Variants in AFAP1L2 observed in about 807,000 individuals in gnomAD.
AFAP1L2 encodes the protein actin filament associated protein 1 like 2.
Under a neutral mutation model 99.3 loss-of-function variants are expected in AFAP1L2, and 46 were observed. That is an observed-to-expected ratio of 0.46 (90% CI 0.37 to 0.59). The LOEUF (loss-of-function observed/expected upper bound fraction) is 0.59. AFAP1L2 is among the 20% of genes least tolerant of loss of function. The pLI is 0.00. For missense variants in AFAP1L2, 959 were observed against 1,034.9 expected (o/e 0.93, Z 1.01); for synonymous variants, 397 against 419.1 (o/e 0.95, Z 0.64).
At chr10:114,319,351 C>A (rs1385072796) in intron 5 of AFAP1L2, among the ~76,000 whole-genome samples, 1 of 137,396 alleles carries the variant, frequency 7.3e-6, no homozygotes, top group East Asian at 2.2e-4. Context: ...GTCTTTTAGC[C>A]ATGTGTTTTG....
At chr10:114,344,058 T>A (rs962033852) in intron 1 of AFAP1L2, among the ~76,000 whole-genome samples, 1 of 152,210 alleles carries the variant, frequency 6.6e-6, no homozygotes, top group African/African-American at 2.4e-5. Flanking sequence ...TCTAGCCTTA[T>A]AAATGAGAGC....
At chr10:114,287,763 C>T in the AFAP1L2 span, among the ~76,000 whole-genome samples, 2,311 of 152,340 alleles carry the variant, frequency 0.015, 65 homozygotes, top group African/African-American at 0.053. Flanking sequence ...CTATACCCCA[C>T]ACCCAGTTTC....
At chr10:114,351,210 T>C (rs2136213889) in intron 1 of AFAP1L2, among the ~76,000 whole-genome samples, 1 of 152,304 alleles carries the variant, frequency 6.6e-6, no homozygotes, top group East Asian at 1.9e-4. Context: ...ATGGGAAATT[T>C]TCACTCCTTC....
At chr10:114,336,121 C>T (rs1051989630) in intron 2 of AFAP1L2, among the ~76,000 whole-genome samples, 7 of 152,200 alleles carry the variant, frequency 4.6e-5, no homozygotes, top group South Asian at 2.1e-4. Context: ...GAGGGTGCAT[C>T]GGCCCACCTC....
chr10:114,332,513 T>C (rs987946955), intron 3 of AFAP1L2, among the ~76,000 whole-genome samples: 1 of 152,216 alleles, frequency 6.6e-6, no homozygotes, highest in African/African-American at 2.4e-5. Context: ...AAGACAAGCC[T>C]TCAACAGGAC....
intron 1 of AFAP1L2, among the ~76,000 whole-genome samples, chr10:114,361,974 C>T (rs187567735): frequency 5.5e-4 from 84 of 152,246 alleles, no homozygotes; most frequent in African/African-American, 1.8e-3. Flanking sequence ...TATCTTACCA[C>T]GACAGCTATT....
intron 1 of AFAP1L2, among the ~76,000 whole-genome samples, chr10:114,386,057 T>C (rs1469217473): frequency 2.6e-5 from 4 of 152,134 alleles, no homozygotes; most frequent in African/African-American, 9.7e-5. Context: ...GAGACTCGGC[T>C]GAGAGTCTGA....
Position 114,295,626 on chromosome 10 carries a change from A to G in AFAP1L2, c.*416T>C. On this transcript the variant is annotated 3_prime_UTR_variant, in exon 19 of 19. Coordinates refer to ENST00000304129, the MANE Select transcript of AFAP1L2 (RefSeq NM_001001936.3). ...AAGTATTGGATAAGAGATGATGGCCAGGAGTTTAGGTCTTCTCACTCACCA... is the reference window on the plus strand; with the variant it reads ...AAGTATTGGATAAGAGATGATGGCCGGGAGTTTAGGTCTTCTCACTCACCA... 2 of 999,080 alleles carry G rather than the reference A, an allele frequency of 2.0e-6. No individual in the cohort carries two copies. Among genetic ancestry groups the G allele is most frequent in the Non-Finnish European group, 2.4e-6 (2 of 838,718 alleles). 61.9% of individuals were successfully genotyped at this position (999,080 alleles called of 1,614,324 possible). A position where few individuals can be genotyped will look rare whatever the true frequency, so the allele number is the denominator to read the frequency against.
At chr10:114,371,806 C>T (rs542250) in intron 1 of AFAP1L2, among the ~76,000 whole-genome samples, 130,760 of 148,106 alleles carry the variant, frequency 0.88, 58,073 homozygotes, top group East Asian at 1. Context: ...ACTTAAAGTA[C>T]AATTATAAAA....
At chr10:114,303,653 C>A (rs1038714309) in intron 11 of AFAP1L2, among the ~76,000 whole-genome samples, 1 of 152,182 alleles carries the variant, frequency 6.6e-6, no homozygotes, top group Non-Finnish European at 1.5e-5. Context: ...TCATGGGCCT[C>A]CCCTAGTCCA....
intron 7 of AFAP1L2, among the ~76,000 whole-genome samples, 168 bp from the exon 8 acceptor site, chr10:114,310,611 G>A (rs1163550419): frequency 1.3e-5 from 2 of 152,224 alleles, no homozygotes; most frequent in Admixed American, 1.3e-4. Context: ...AGGCCTGCAT[G>A]TGGCCTCAGA....
At position 114,295,497 on chromosome 10, in the gene AFAP1L2, G is replaced by A. The variant is rs1163346482; in HGVS notation, c.*545C>T. 3 of 972,548 alleles carry A rather than the reference G, an allele frequency of 3.1e-6. No individual in the cohort carries two copies. Among genetic ancestry groups the A allele is most frequent in the Non-Finnish European group, 3.6e-6 (3 of 824,432 alleles). The allele number at this position is 972,548 out of a possible 1,614,324, so 60.2% of individuals were successfully genotyped here. On this transcript the variant is annotated 3_prime_UTR_variant, in exon 19 of 19. Coordinates refer to ENST00000304129, the MANE Select transcript of AFAP1L2 (RefSeq NM_001001936.3). ...GTCATAGATGGTTTTACAGATGATG[G>A]TTTTACAGATGATGTCAATGCTGTT... is the stretch of plus-strand genomic sequence containing the variant.
chr10:114,397,874 A>C (rs1443892839), intron 1 of AFAP1L2, among the ~76,000 whole-genome samples: 3 of 152,172 alleles, frequency 2.0e-5, no homozygotes, highest in Admixed American at 2.0e-4. Flanking sequence ...CTGCCTTTGA[A>C]GTCCTGGGAG....
chr10:114,392,144 G>C (rs921886942), intron 1 of AFAP1L2, among the ~76,000 whole-genome samples: 3 of 152,194 alleles, frequency 2.0e-5, no homozygotes, highest in Admixed American at 2.0e-4. Flanking sequence ...CCAGCACTTT[G>C]GGAGGCTGAG....
chr10:114,385,333 C>A (rs1474018762), intron 1 of AFAP1L2, among the ~76,000 whole-genome samples: 2 of 152,158 alleles, frequency 1.3e-5, no homozygotes, highest in Non-Finnish European at 2.9e-5. Context: ...TGCTGGGGCA[C>A]CTTCTTCCCC....
chr10:114,398,017 C>G (rs563417769), intron 1 of AFAP1L2, among the ~76,000 whole-genome samples: 9 of 152,312 alleles, frequency 5.9e-5, no homozygotes, highest in African/African-American at 1.9e-4. Flanking sequence ...GATCCGTGTT[C>G]CCTGGCCTCA....
At chr10:114,354,993 T>G (rs1210404017) in intron 1 of AFAP1L2, among the ~76,000 whole-genome samples, 1 of 152,202 alleles carries the variant, frequency 6.6e-6, no homozygotes, top group Non-Finnish European at 1.5e-5. Context: ...CCCCAATTTT[T>G]CAAGGTCATA....
In AFAP1L2 at chr10:114,295,437, A is replaced by G; in HGVS notation, c.*605T>C. 1 of 985,748 alleles carries G rather than the reference A, an allele frequency of 1.0e-6. No homozygotes were observed. Among genetic ancestry groups the G allele is most frequent in the Non-Finnish European group, 1.2e-6 (1 of 829,938 alleles). 61.1% of individuals were successfully genotyped at this position (985,748 alleles called of 1,614,324 possible). On this transcript the variant is annotated 3_prime_UTR_variant, in exon 19 of 19. Coordinates refer to ENST00000304129, the MANE Select transcript of AFAP1L2 (RefSeq NM_001001936.3). ...GGGATTAGTGCTTCAGCTTGGTCCC[A>G]AATATTTTCCCCATTATTGTTTCTC...
At chr10:114,355,160 G>A (rs1332017928) in intron 1 of AFAP1L2, among the ~76,000 whole-genome samples, 1 of 152,120 alleles carries the variant, frequency 6.6e-6, no homozygotes, top group Admixed American at 6.5e-5. Context: ...TGTAATCGGT[G>A]CTATTTAAAC....
Sources: allele counts gnomAD v4.1 joint callset (sites outside exome capture counted in the v4.1 genomes callset), GRCh38; gene constraint gnomAD v4.1.1; transcripts MANE v1.5; gene names NCBI Gene and HGNC (gene_info 2026-07-23, HGNC 2026-07-21).